Variants in TSNARE1 observed in about 807,000 individuals in gnomAD.
TSNARE1 encodes the protein t-SNARE domain containing 1, also known as t-SNARE domain-containing protein 1.
A neutral mutation model predicts 62.0 loss-of-function variants in TSNARE1; 49 were observed. The observed-to-expected ratio is 0.79, with a 90% confidence interval of 0.63 to 1.00. TSNARE1 has a LOEUF of 1.00. Among genes scored for constraint, TSNARE1 ranks in the 50% least tolerant of loss-of-function variants. The pLI, the probability that TSNARE1 is intolerant of heterozygous loss-of-function variation, is 0.00. For synonymous variants in TSNARE1, 328 were observed against 294.4 expected (o/e 1.11, Z -1.17); for missense variants, 755 against 700.1 (o/e 1.08, Z -0.88).
chr8:142,241,452 A>T (rs562468991), intron 12 of TSNARE1, among the ~76,000 whole-genome samples: 1 of 152,372 alleles, frequency 6.6e-6, no homozygotes, highest in Non-Finnish European at 1.5e-5. Context: ...CAATATACAG[A>T]TCGAACAGAA....
At chr8:142,255,752 C>T (rs914472688) in intron 12 of TSNARE1, among the ~76,000 whole-genome samples, 1 of 82,724 alleles carries the variant, frequency 1.2e-5, no homozygotes, top group Non-Finnish European at 2.9e-5. Context: ...GTCACCATCA[C>T]CACCACCATC....
intron 12 of TSNARE1, among the ~76,000 whole-genome samples, chr8:142,264,121 A>G (rs1819022714): frequency 6.6e-6 from 1 of 152,240 alleles, no homozygotes. Flanking sequence ...TTTCAATAGT[A>G]TCCAATCATG....
chr8:142,274,362 C>G, intron 12 of TSNARE1: 1 of 985,442 alleles, frequency 1.0e-6, no homozygotes, highest in Non-Finnish European at 1.2e-6. Flanking sequence ...AAGGCCTGAG[C>G]TTTCTTGTTC....
At chr8:142,342,554 C>T (rs1246193280) in intron 4 of TSNARE1, among the ~76,000 whole-genome samples, 1 of 152,234 alleles carries the variant, frequency 6.6e-6, no homozygotes, top group Non-Finnish European at 1.5e-5. Context: ...GAGGCCTCAT[C>T]GCCCACAGCT....
intron 13 of TSNARE1, among the ~76,000 whole-genome samples, chr8:142,217,379 G>GAAAGAAAGAAGA (rs1563750495): frequency 2.9e-5 from 4 of 138,976 alleles, no homozygotes; most frequent in African/African-American, 1.2e-4. Context: ...AAGAAAAAAG[G>GAAAGAAAGAAGA]GAAAGAAAGA....
chr8:142,322,041 A>G (rs780896766), intron 6 of TSNARE1, among the ~76,000 whole-genome samples: 60 of 152,376 alleles, frequency 3.9e-4, no homozygotes, highest in Non-Finnish European at 7.1e-4. Flanking sequence ...TGAAAGAGAT[A>G]GTATACCATG....
In TSNARE1 at chr8:142,279,482, C is replaced by T. The variant is rs151127105; in HGVS notation, c.1364-4619G>A. Among the ~76,000 whole-genome samples, 19 of 152,348 alleles carry T rather than the reference C, an allele frequency of 1.2e-4. No individual in the cohort carries two copies. The East Asian group carries it at 3.5e-3, about 28-fold the overall frequency. ...AGGCCACCTTGTGACCGCCTCCCCA[C>T]GGTAGCGCTCACCTCTCTACAGTGA... On this transcript the variant is annotated intron_variant, in intron 11 of 13. Coordinates refer to ENST00000524325, the MANE Select transcript of TSNARE1 (RefSeq NM_145003.5).
chr8:142,372,122 C>T lies in TSNARE1; in HGVS notation c.-39-17359G>A, dbSNP rs141068426. On this transcript the variant is annotated intron_variant, in intron 1 of 13. Transcript: ENST00000524325. The stretch of plus-strand genomic sequence containing the variant: ...CTTGGCAGACATTAACCTTGAGAAG[C>T]CACCTCACTGAAAACACAGTATGGG... Among the ~76,000 whole-genome samples the T allele has an allele frequency of 7.2e-3, 1,101 of 152,282 alleles. 10 individuals are homozygous for T. The highest frequency in any genetic ancestry group is 0.012 in the Non-Finnish European group (850 of 68,016).
intron 2 of TSNARE1, among the ~76,000 whole-genome samples, chr8:142,348,442 G>A (rs1003517207): frequency 9.9e-5 from 15 of 152,140 alleles, no homozygotes; most frequent in Middle Eastern, 3.4e-3. Context: ...AGGAAGCACG[G>A]CTGGGCTAAG....
rs749239602 is a variant in TSNARE1 at position 142,318,524 on chromosome 8, C to A, written c.984+20G>T. The stretch of plus-strand genomic sequence containing the variant: ...GTCCATTCCTCTCCTCCCTCCCAGC[C>A]CCAGACCCCAGGAACATACCGGGCA... On this transcript the variant is annotated intron_variant, in intron 7 of 13. Transcript: ENST00000524325. The A allele has an allele frequency of 6.2e-7, 1 of 1,609,112 alleles. No individual in the cohort carries two copies. Among genetic ancestry groups the A allele is most frequent in the Admixed American group, 1.7e-5 (1 of 59,980 alleles).
chr8:142,391,398 A>G (rs543618510), intron 1 of TSNARE1, among the ~76,000 whole-genome samples: 40 of 151,962 alleles, frequency 2.6e-4, no homozygotes, highest in African/African-American at 7.7e-4. Context: ...CAGATGCTGT[A>G]CACTGCTGGG....
At chr8:142,362,703 C>G (rs147083967) in intron 1 of TSNARE1, among the ~76,000 whole-genome samples, 1 of 152,298 alleles carries the variant, frequency 6.6e-6, no homozygotes, top group East Asian at 1.9e-4. Flanking sequence ...ACAATGGTGA[C>G]TGGATTTCAA....
Position 142,344,429 on chromosome 8 carries a change from G to A in TSNARE1, c.282C>T (p.Thr94=). The part of the protein sequence containing the change: ...APEGSRMPEP[T]SSPTIGPRKD... ...TCCTCGGGCCAATGGTGGGTGATGA[G>A]GTGGGCTCCGGCATCCGGCTGCCTT... The change falls in exon 4 of 14, where the codon ACC becomes ACT. Residue 94 remains threonine, a synonymous_variant. Coordinates refer to ENST00000524325, the MANE Select transcript of TSNARE1 (RefSeq NM_145003.5). The A allele has an allele frequency of 1.3e-6, 2 of 1,584,148 alleles. No individual in the cohort carries two copies. Among genetic ancestry groups the A allele is most frequent in the Non-Finnish European group, 1.7e-6 (2 of 1,166,728 alleles).
intron 12 of TSNARE1, chr8:142,272,980 C>A (rs1465039792): frequency 1.0e-5 from 10 of 985,334 alleles, no homozygotes; most frequent in Non-Finnish European, 1.1e-5. Flanking sequence ...CCCTGGTGGA[C>A]CCCCTCGGGA....
At chr8:142,223,298 C>CCACTCATA in intron 13 of TSNARE1, among the ~76,000 whole-genome samples, 1 of 55,066 alleles carries the variant, frequency 1.8e-5, no homozygotes, top group African/African-American at 5.7e-5. Context: ...ACTCACTCAA[C>CCACTCATA]CACTCACTCA....
chr8:142,383,265 G>T (rs1230881509), intron 1 of TSNARE1, among the ~76,000 whole-genome samples: 1 of 152,204 alleles, frequency 6.6e-6, no homozygotes, highest in Non-Finnish European at 1.5e-5. Context: ...CTGAGAGAGA[G>T]CTGGAGAAAG....
rs960568309 is a variant in TSNARE1 at position 142,379,109 on chromosome 8, G to A, written c.-40+23995C>T. Reference sequence around the variant, plus strand: ...GACCAAGCCCGCAGCAGATCAGCACGGATCAGAGCAGCTCACACATGTCCT... The same window carrying A: ...GACCAAGCCCGCAGCAGATCAGCACAGATCAGAGCAGCTCACACATGTCCT... On this transcript the variant is annotated intron_variant, in intron 1 of 13. Coordinates refer to ENST00000524325, the MANE Select transcript of TSNARE1 (RefSeq NM_145003.5). Among the ~76,000 whole-genome samples the A allele has an allele frequency of 5.3e-5, 8 of 152,300 alleles. No individual in the cohort carries two copies. In the South Asian group the frequency reaches 1.0e-3, roughly 20 times the overall value.
chr8:142,213,297 G>C (rs1305431354), intron 13 of TSNARE1, among the ~76,000 whole-genome samples: 1 of 137,914 alleles, frequency 7.3e-6, no homozygotes, highest in Non-Finnish European at 1.6e-5. Context: ...GGACTCCGGG[G>C]CTGGGGAGAA....
intron 1 of TSNARE1, among the ~76,000 whole-genome samples, chr8:142,390,371 G>C (rs1443496224): frequency 7.8e-6 from 1 of 129,026 alleles, no homozygotes; most frequent in Non-Finnish European, 1.6e-5. Flanking sequence ...CTCCGTAACA[G>C]AAGCTGTACA....
Sources: gnomAD v4.1 joint callset for allele counts (sites outside exome capture counted in the v4.1 genomes callset) on GRCh38, gnomAD v4.1.1 for gene constraint, MANE v1.5 for transcripts, NCBI Gene and HGNC (gene_info 2026-07-23, HGNC 2026-07-21) for gene names.